Variants in CCNY observed in about 807,000 individuals in gnomAD.
CCNY encodes the protein cyclin Y, also known as cyclin-Y.
In CCNY, 19 loss-of-function variants were observed where a neutral mutation model predicts 42.8. The observed-to-expected ratio is 0.44, with a 90% CI of 0.31 to 0.65. The LOEUF (loss-of-function observed/expected upper bound fraction) is 0.65, where lower values mean the gene tolerates loss of function less well. Among genes scored for constraint, CCNY ranks in the 30% least tolerant of loss-of-function variants. The pLI is 0.07. For missense variants in CCNY, 370 were observed against 437.3 expected (o/e 0.85, Z 1.37); for synonymous variants, 165 against 162.7 (o/e 1.01, Z -0.11).
intron 7 of CCNY, among the ~76,000 whole-genome samples, chr10:35,546,020 G>A (rs1481795686): frequency 2.0e-5 from 3 of 152,162 alleles, no homozygotes; most frequent in Admixed American, 6.5e-5. Flanking sequence ...CCTCAAAATA[G>A]TATGTTTATG....
At chr10:35,365,270 T>C (rs1836785425) in intron 1 of CCNY, among the ~76,000 whole-genome samples, 1 of 152,224 alleles carries the variant, frequency 6.6e-6, no homozygotes, top group African/African-American at 2.4e-5. Flanking sequence ...GATACTCAGC[T>C]AGAGAAGAAG....
At chr10:35,425,363 G>T (rs901438354) in intron 1 of CCNY, among the ~76,000 whole-genome samples, 1 of 152,156 alleles carries the variant, frequency 6.6e-6, no homozygotes, top group African/African-American at 2.4e-5. Flanking sequence ...TTGGAAGGCG[G>T]CTGTTTAAAT....
At chr10:35,324,584 A>G (rs933187134) in intron 3 of CCNY, among the ~76,000 whole-genome samples, 1 of 152,192 alleles carries the variant, frequency 6.6e-6, no homozygotes, top group African/African-American at 2.4e-5. Flanking sequence ...GGAATTGCCA[A>G]ATAAACAAGA....
intron 1 of CCNY, among the ~76,000 whole-genome samples, chr10:35,361,379 A>G (rs569857425): frequency 2.6e-5 from 4 of 152,370 alleles, no homozygotes; most frequent in Admixed American, 6.5e-5. Flanking sequence ...AGGTACATCA[A>G]TTCCACAATT....
At chr10:35,502,460 C>T (rs1667822509) in intron 3 of CCNY, among the ~76,000 whole-genome samples, 1 of 152,156 alleles carries the variant, frequency 6.6e-6, no homozygotes, top group African/African-American at 2.4e-5. Context: ...GTATTCTCTG[C>T]CCTTTGAAAA....
At position 35,569,751 on chromosome 10, in the gene CCNY, G is replaced by A. The variant is rs191736507; in HGVS notation, c.*581G>A. The stretch of plus-strand genomic sequence containing the variant: ...TCATTTCTCTCTGCACTATTTCTGC[G>A]CGCTGTCTTCTGAGCTTTCTTCCTC... On this transcript the variant is annotated 3_prime_UTR_variant, in exon 10 of 10. Transcript: ENST00000374704. The A allele has an allele frequency of 1.0e-4, 16 of 154,328 alleles. No homozygotes were observed. The highest frequency in any genetic ancestry group is 1.9e-4 in the African/African-American group (8 of 41,540). 9.6% of individuals were successfully genotyped at this position (154,328 alleles called of 1,614,324 possible).
chr10:35,252,429 G>A (rs894299222), intron 3 of CCNY, among the ~76,000 whole-genome samples: 3 of 152,020 alleles, frequency 2.0e-5, no homozygotes, highest in African/African-American at 7.2e-5. Context: ...AGCCAGGCGT[G>A]GTGGCTGGCG....
chr10:35,412,860 C>CAAAAAAAAAAAAAAAAAAA (rs10558250), intron 1 of CCNY, among the ~76,000 whole-genome samples: 11 of 34,764 alleles, frequency 3.2e-4, no homozygotes, highest in Admixed American at 9.6e-4. Flanking sequence ...GACTCTGTCT[C>CAAAAAAAAAAAAAAAAAAA]AAAAAAAAAA....
intron 1 of CCNY, among the ~76,000 whole-genome samples, chr10:35,477,267 A>G (rs1447964880): frequency 2.0e-5 from 3 of 152,130 alleles, no homozygotes; most frequent in Non-Finnish European, 2.9e-5. Flanking sequence ...AAAAGAGGGA[A>G]TCCTCCCTAA....
intron 1 of CCNY, among the ~76,000 whole-genome samples, chr10:35,468,641 T>A (rs568622397): frequency 6.6e-6 from 1 of 152,276 alleles, no homozygotes; most frequent in South Asian, 2.1e-4. Context: ...CATGAGACTA[T>A]TTTTTCCTCC....
upstream of CCNY, among the ~76,000 whole-genome samples, chr10:35,333,234 T>G (rs1835966538): frequency 6.6e-6 from 1 of 151,432 alleles, no homozygotes; most frequent in Non-Finnish European, 1.5e-5. Context: ...GTCCACATTC[T>G]GGGCTAGATC....
chr10:35,367,211 G>C (rs1836827989), intron 1 of CCNY, among the ~76,000 whole-genome samples: 1 of 152,082 alleles, frequency 6.6e-6, no homozygotes, highest in Non-Finnish European at 1.5e-5. Flanking sequence ...TTTAATGACT[G>C]TAGAGTGTTC....
At chr10:35,252,375 C>T (rs2095712553) in intron 3 of CCNY, among the ~76,000 whole-genome samples, 1 of 151,918 alleles carries the variant, frequency 6.6e-6, no homozygotes, top group Non-Finnish European at 1.5e-5. Context: ...GCCAAACTGG[C>T]TAACATGGTG....
intron 1 of CCNY, among the ~76,000 whole-genome samples, chr10:35,446,409 A>G (rs1589126858): frequency 6.6e-6 from 1 of 152,122 alleles, no homozygotes; most frequent in South Asian, 2.1e-4. Context: ...TTTTTTCCCC[A>G]CTAAATATAG....
chr10:35,488,072 TAAC>T (rs1340910980), intron 2 of CCNY, among the ~76,000 whole-genome samples: 1 of 152,228 alleles, frequency 6.6e-6, no homozygotes, highest in Non-Finnish European at 1.5e-5. Flanking sequence ...TTTATTGTCT[TAAC>T]AAAGAATTTG....
At chr10:35,501,014 TG>T (rs1467779086) in intron 2 of CCNY, among the ~76,000 whole-genome samples, 1 of 152,210 alleles carries the variant, frequency 6.6e-6, no homozygotes, top group Non-Finnish European at 1.5e-5. Context: ...TGGAGAATAA[TG>T]GGTTTCCATG....
intron 1 of CCNY, among the ~76,000 whole-genome samples, chr10:35,374,967 G>A (rs1037237063): frequency 6.6e-6 from 1 of 152,170 alleles, no homozygotes; most frequent in African/African-American, 2.4e-5. Context: ...AAGAAAGGAA[G>A]TTGACAATCT....
intron 8 of CCNY, among the ~76,000 whole-genome samples, chr10:35,556,902 A>G (rs562484584): frequency 1.6e-3 from 246 of 151,384 alleles, no homozygotes; most frequent in African/African-American, 5.2e-3. Flanking sequence ...CTGGAGTCCA[A>G]TGGCGTGATC....
intron 1 of CCNY, among the ~76,000 whole-genome samples, chr10:35,429,716 G>A (rs1838343534): frequency 6.6e-6 from 1 of 152,078 alleles, no homozygotes; most frequent in African/African-American, 2.4e-5. Context: ...TGCTGTTATT[G>A]GGTCATTTCA....
Sources: allele counts gnomAD v4.1 joint callset (sites outside exome capture counted in the v4.1 genomes callset), GRCh38; gene constraint gnomAD v4.1.1; transcripts MANE v1.5; gene names NCBI Gene and HGNC (gene_info 2026-07-23, HGNC 2026-07-21).